The following CDH1 variants were observed in gnomAD, a reference collection of about 807,000 sequenced individuals.
CDH1 encodes cadherin 1, also known as cadherin-1.
In CDH1, 35 loss-of-function variants were observed where a neutral mutation model predicts 84.5. The observed-to-expected ratio is 0.41, with a 90% CI of 0.32 to 0.55. The LOEUF (loss-of-function observed/expected upper bound fraction) is 0.55. CDH1 is among the 20% of genes least tolerant of loss of function. The probability of loss-of-function intolerance (pLI) is 0.19; values close to 1 mark genes in which losing one functional copy is unlikely to be tolerated. For missense variants in CDH1, 994 were observed against 1,126.6 expected (o/e 0.88, Z 1.68); for synonymous variants, 417 against 439.0 (o/e 0.95, Z 0.63).
intron 15 of CDH1, among the ~76,000 whole-genome samples, chr16:68,832,594 T>C (rs1596975471): frequency 6.6e-6 from 1 of 152,112 alleles, no homozygotes; most frequent in East Asian, 1.9e-4. Flanking sequence ...CCGAGGCAGG[T>C]GGATCACCTG....
intron 15 of CDH1, 41 bp from the exon 16 acceptor site, chr16:68,833,249 C>T: frequency 6.4e-7 from 1 of 1,569,414 alleles, no homozygotes; most frequent in Non-Finnish European, 8.8e-7. Flanking sequence ...CAGGTGTGCC[C>T]TTCCTTTCAC....
intron 5 of CDH1, among the ~76,000 whole-genome samples, chr16:68,809,523 G>GT (rs1194111956): frequency 6.6e-6 from 1 of 151,234 alleles, no homozygotes; most frequent in African/African-American, 2.4e-5. Context: ...ATTTGTTTTT[G>GT]TTTTGGATTT....
chr16:68,770,518 G>A (rs563608906), intron 2 of CDH1, among the ~76,000 whole-genome samples: 45 of 151,974 alleles, frequency 3.0e-4, no homozygotes, highest in Non-Finnish European at 4.7e-4. Context: ...CACCAGCCTC[G>A]CACCTTCAGG....
chr16:68,738,184 G>T, intron 1 of CDH1, 113 bp from the exon 2 acceptor site: 2 of 711,984 alleles, frequency 2.8e-6, no homozygotes, highest in Non-Finnish European at 4.8e-6. Context: ...GCGGGCTGGG[G>T]TCCTCCCCCA....
In CDH1 at chr16:68,767,028, A is replaced by G. The variant is rs372379141; in HGVS notation, c.163+28617A>G. Among the ~76,000 whole-genome samples the G allele has an allele frequency of 3.6e-4, 54 of 152,042 alleles. 1 individual carries two copies. The highest frequency in any genetic ancestry group is 1.1e-3 in the Admixed American group (17 of 15,238). On this transcript the variant is annotated intron_variant, in intron 2 of 15. Coordinates refer to ENST00000261769, the MANE Select transcript of CDH1 (RefSeq NM_004360.5). ...AGGTGTGAGCCACTGCGCCCCGCCT[A>G]GACCCCATTTTTGGATGAGGAAACT...
In CDH1 at chr16:68,829,772, A is replaced by G. The variant is rs1481419710; in HGVS notation, c.2414A>G (p.Asp805Gly). 6.8e-6 allele frequency: 11 copies of G among 1,613,792 alleles called. No homozygotes were observed. The highest frequency in any genetic ancestry group is 2.2e-5 in the East Asian group (1 of 44,870). The change falls in exon 15 of 16, where the codon GAT becomes GGT. Residue 805 changes from aspartate to glycine, a missense_variant. Asp to Gly is a moderately conservative substitution (Grantham distance 94). This residue lies in a region of CDH1 where 769 missense variants were observed against 881.8 expected (regional missense o/e 0.87). Coordinates refer to ENST00000261769, the MANE Select transcript of CDH1 (RefSeq NM_004360.5). Reference protein sequence around the residue: ...PRYLPRPANPDEIGNFIDENL... With the variant: ...PRYLPRPANPGEIGNFIDENL... Reference sequence around the variant, plus strand: ...TATCTTCCCCGCCCTGCCAATCCCGATGAAATTGGAAATTTTATTGATGAA... The same window carrying G: ...TATCTTCCCCGCCCTGCCAATCCCGGTGAAATTGGAAATTTTATTGATGAA...
chr16:68,738,275 A>T (rs1962453396), intron 1 of CDH1, 22 bp from the exon 2 acceptor site: 1 of 1,479,648 alleles, frequency 6.8e-7, no homozygotes, highest in Non-Finnish European at 9.2e-7. Context: ...ACCCGGTTCC[A>T]TCTACCTTTC....
Position 68,768,728 on chromosome 16 carries a change from C to T in CDH1, c.163+30317C>T, listed in dbSNP as rs565318181. ...AAAATATTTAAATTGTGTGTAAAGTCACTATCTAGATATCACCACCGGGGA... is the reference window on the plus strand; with the variant it reads ...AAAATATTTAAATTGTGTGTAAAGTTACTATCTAGATATCACCACCGGGGA... On this transcript the variant is annotated intron_variant, in intron 2 of 15. Coordinates refer to ENST00000261769, the MANE Select transcript of CDH1 (RefSeq NM_004360.5). Among the ~76,000 whole-genome samples the T allele has an allele frequency of 3.3e-5, 5 of 152,232 alleles. No homozygotes were observed. The East Asian group carries it at 9.6e-4, about 29-fold the overall frequency.
intron 2 of CDH1, among the ~76,000 whole-genome samples, chr16:68,766,173 C>G (rs924920204): frequency 6.6e-6 from 1 of 152,114 alleles, no homozygotes; most frequent in African/African-American, 2.4e-5. Flanking sequence ...GCAGGAGAAT[C>G]GCTTGAACCC....
chr16:68,769,127 G>A (rs575419817), intron 2 of CDH1, among the ~76,000 whole-genome samples: 1 of 152,246 alleles, frequency 6.6e-6, no homozygotes, highest in Admixed American at 6.5e-5. Flanking sequence ...AGCTCCTTGA[G>A]GGTGGGTCTG....
intron 13 of CDH1, among the ~76,000 whole-genome samples, chr16:68,824,410 C>T (rs1231400576): frequency 6.6e-6 from 1 of 152,148 alleles, no homozygotes; most frequent in African/African-American, 2.4e-5. Flanking sequence ...CTAAGCTAGC[C>T]AGCTCACCAC....
chr16:68,811,824 G>A lies in CDH1; in HGVS notation c.973G>A (p.Val325Ile), dbSNP rs1597894244. 1 of 1,614,190 alleles carries A rather than the reference G, an allele frequency of 6.2e-7. No individual in the cohort carries two copies. The highest frequency in any genetic ancestry group is 8.5e-7 in the Non-Finnish European group (1 of 1,180,044). ...GTTCACCATTAACAGGAACACAGGA[G>A]TCATCAGTGTGGTCACCACTGGGCT... is the stretch of plus-strand genomic sequence containing the variant. ...NMFTINRNTGVISVVTTGLDR... is the reference protein window; with the variant it reads ...NMFTINRNTGIISVVTTGLDR... The change falls in exon 7 of 16, where the codon GTC (valine) becomes ATC (isoleucine). Residue 325 changes from valine (V) to isoleucine (I), a missense_variant. By Grantham distance (29) the Val-to-Ile change is conservative (BLOSUM62 3). Transcript: ENST00000261769.
intron 11 of CDH1, 65 bp downstream of exon 11, chr16:68,819,490 CCCTT>C (rs1961083916): frequency 1.3e-6 from 2 of 1,516,978 alleles, no homozygotes; most frequent in Non-Finnish European, 1.8e-6. Flanking sequence ...CCTTGCCCCT[CCCTT>C]CTTTTGGAGG....
rs200796553 is a variant in CDH1 at position 68,808,712 on chromosome 16, A to T, written c.551A>T (p.Lys184Ile). Reference protein sequence around the residue: ...NLVQIKSNKDKEGKVFYSITG... With the variant: ...NLVQIKSNKDIEGKVFYSITG... ...CTTCAGATCAAATCCAACAAAGACA[A>T]AGAAGGCAAGGTTTTCTACAGCATC... Residue 184 changes from lysine (K) to isoleucine (I), a missense_variant, in exon 5 of 16, where the codon AAA becomes ATA. By Grantham distance (102) the Lys-to-Ile change is moderately radical (BLOSUM62 -3). Around this residue, in one of 3 missense-constraint regions of CDH1, gnomAD observed 22 missense variants for 50.8 expected, o/e 0.43. Transcript: ENST00000261769. 6.2e-7 allele frequency: 1 copy of T among 1,614,134 alleles called. No individual in the cohort carries two copies.
At chr16:68,824,520 A>G (rs1356897782) in intron 13 of CDH1, among the ~76,000 whole-genome samples, 1 of 152,150 alleles carries the variant, frequency 6.6e-6, no homozygotes, top group African/African-American at 2.4e-5. Flanking sequence ...CTTATATACC[A>G]TTGGCCCAAA....
At chr16:68,778,435 G>A (rs923574720) in intron 2 of CDH1, among the ~76,000 whole-genome samples, 2 of 152,204 alleles carry the variant, frequency 1.3e-5, no homozygotes, top group African/African-American at 4.8e-5. Flanking sequence ...ATCATCATTA[G>A]TGAAACAGCT....
At position 68,810,313 on chromosome 16, in the gene CDH1, G is replaced by A. The variant is rs1597892528; in HGVS notation, c.804G>A (p.Lys268=). Residue 268 remains lysine, a synonymous_variant, in exon 6 of 16, where the codon AAG becomes AAA. Transcript: ENST00000261769. ...CCGAATTCACCCAGGAGGTCTTTAAGGGGTCTGTCATGGAAGGTGCTCTTC... is the reference window on the plus strand; with the variant it reads ...CCGAATTCACCCAGGAGGTCTTTAAAGGGTCTGTCATGGAAGGTGCTCTTC... ...NKPEFTQEVF[K]GSVMEGALPG... 1.2e-6 allele frequency: 2 copies of A among 1,614,090 alleles called. No individual in the cohort carries two copies. Among genetic ancestry groups the A allele is most frequent in the South Asian group, 1.1e-5 (1 of 91,082 alleles).
intron 2 of CDH1, among the ~76,000 whole-genome samples, chr16:68,741,562 C>G (rs1242825768): frequency 1.3e-5 from 2 of 151,844 alleles, no homozygotes; most frequent in Non-Finnish European, 2.9e-5. Context: ...GGTCATTCCT[C>G]TGCCCCATGC....
intron 2 of CDH1, 100 bp from the exon 3 acceptor site, chr16:68,801,570 G>T: frequency 1.1e-6 from 1 of 916,788 alleles, no homozygotes; most frequent in South Asian, 1.3e-5. Flanking sequence ...GGTTGTGTTT[G>T]GTTTTGTGGG....
Sources: allele counts gnomAD v4.1 joint callset (sites outside exome capture counted in the v4.1 genomes callset), GRCh38; gene constraint gnomAD v4.1.1; regional missense constraint gnomAD v4.1.1; transcripts MANE v1.5; gene names NCBI Gene and HGNC (gene_info 2026-07-23, HGNC 2026-07-21).